The following SSX2IP variants were observed in gnomAD, a reference collection of about 807,000 sequenced individuals.
SSX2IP encodes afadin- and alpha-actinin-binding protein.
A neutral mutation model predicts 84.9 loss-of-function variants in SSX2IP; 55 were observed. The ratio of observed to expected loss-of-function variants is 0.65; its 90% CI spans 0.52 to 0.81. SSX2IP has a LOEUF of 0.81. SSX2IP is among the 30% of genes least tolerant of loss of function. SSX2IP has a pLI of 0.00. For synonymous variants in SSX2IP, 239 were observed against 234.7 expected (o/e 1.02, Z -0.17); for missense variants, 664 against 705.2 (o/e 0.94, Z 0.66).
intron 11 of SSX2IP, among the ~76,000 whole-genome samples, chr1:84,653,142 A>G (rs1042632244): frequency 5.3e-5 from 8 of 152,164 alleles, no homozygotes; most frequent in South Asian, 2.1e-4. Context: ...CACTGTCTTC[A>G]TATCAATTTT....
At chr1:84,667,667 C>T (rs1203146214) in intron 4 of SSX2IP, among the ~76,000 whole-genome samples, 2 of 152,154 alleles carry the variant, frequency 1.3e-5, no homozygotes, top group Admixed American at 1.3e-4. Flanking sequence ...CATACCATCA[C>T]ATACCCATCG....
rs1649582190 is a variant in SSX2IP, at chr1:84,647,459, G to A, written c.1819C>T (p.His607Tyr). 6.2e-7 allele frequency: 1 copy of A among 1,603,694 alleles called. No homozygotes were observed. Reference sequence around the variant, plus strand: ...TAAGGTAAGTCATCTTTTTCTACATGAGAATTTGTGTAGCTCAAGGAGCAT... The same window carrying A: ...TAAGGTAAGTCATCTTTTTCTACATAAGAATTTGTGTAGCTCAAGGAGCAT... The part of the protein sequence containing the change: ...SGCSLSYTNS[H>Y]VEKDDLP Residue 607 changes from histidine (H) to tyrosine (Y), a missense_variant, in exon 14 of 14, where the codon CAT becomes TAT. Coordinates refer to ENST00000342203, the MANE Select transcript of SSX2IP (RefSeq NM_001166293.2).
chr1:84,655,595 G>A, intron 11 of SSX2IP: 3 of 1,462,438 alleles, frequency 2.1e-6, no homozygotes, highest in Non-Finnish European at 2.7e-6. Context: ...CAATCTGAAA[G>A]CAGTAATAAA....
rs11164039 is a variant in SSX2IP at position 84,685,102 on chromosome 1, C to T, written c.-90+5269G>A. ...TAAACTAATTCTTTACACCTGAAGT[C>T]CTTTAAAATGCTTTAAATACATATA... On this transcript the variant is annotated intron_variant, in intron 1 of 13. Coordinates refer to ENST00000342203, the MANE Select transcript of SSX2IP (RefSeq NM_001166293.2). 1.2e-3 allele frequency among the ~76,000 whole-genome samples: 186 copies of T among 152,264 alleles called. 1 individual carries two copies. The highest frequency in any genetic ancestry group is 4.1e-3 in the African/African-American group (171 of 41,558).
intron 8 of SSX2IP, among the ~76,000 whole-genome samples, chr1:84,660,556 G>C (rs919675386): frequency 6.6e-6 from 1 of 152,040 alleles, no homozygotes; most frequent in Non-Finnish European, 1.5e-5. Flanking sequence ...AAAGATATTC[G>C]GGAATTTGAG....
upstream of SSX2IP, chr1:84,690,740 G>A (rs1266659130): frequency 6.6e-6 from 1 of 151,764 alleles, no homozygotes; most frequent in African/African-American, 2.4e-5. Context: ...GGGCGCAGCT[G>A]CGGCTGCGGC....
intron 9 of SSX2IP, 70 bp downstream of exon 9, chr1:84,658,248 C>T: frequency 1.9e-6 from 3 of 1,580,944 alleles, no homozygotes; most frequent in South Asian, 2.3e-5. Context: ...ATGCGGCTTT[C>T]TAAGTGACTA....
intron 1 of SSX2IP, among the ~76,000 whole-genome samples, chr1:84,674,034 C>A (rs189989589): frequency 6.6e-6 from 1 of 152,284 alleles, no homozygotes; most frequent in Non-Finnish European, 1.5e-5. Flanking sequence ...ACTGATTTTA[C>A]TTCTAGCTTT....
chr1:84,687,708 G>T (rs76697888), intron 1 of SSX2IP, among the ~76,000 whole-genome samples: 1 of 152,110 alleles, frequency 6.6e-6, no homozygotes. Flanking sequence ...GATTTTGGTG[G>T]AAATATCCTT....
intron 3 of SSX2IP, 97 bp from the exon 4 acceptor site, chr1:84,669,990 T>C (rs148772236): frequency 8.3e-5 from 68 of 818,304 alleles, no homozygotes; most frequent in African/African-American, 4.3e-4. Flanking sequence ...ATAAGTTTAA[T>C]AGATCTATTG....
chr1:84,672,387 A>G (rs1412900431), intron 1 of SSX2IP, among the ~76,000 whole-genome samples: 1 of 151,702 alleles, frequency 6.6e-6, no homozygotes, highest in East Asian at 1.9e-4. Flanking sequence ...AAGTCTCCCA[A>G]TTTTAAAATG....
rs1339085888 is a variant in SSX2IP at position 84,647,310 on chromosome 1, T to C, written c.*123A>G. Reference sequence around the variant, plus strand: ...AACTCTTTGGGGGAAGACAGGGAAGTCCAAACAAACAACTCAGACCATCTT... The same window carrying C: ...AACTCTTTGGGGGAAGACAGGGAAGCCCAAACAAACAACTCAGACCATCTT... On this transcript the variant is annotated 3_prime_UTR_variant, in exon 14 of 14. Transcript: ENST00000342203. 4 of 792,968 alleles carry C rather than the reference T, an allele frequency of 5.0e-6. No individual in the cohort carries two copies. The highest frequency in any genetic ancestry group is 2.9e-5 in the Admixed American group (1 of 33,988). The allele number at this position is 792,968 out of a possible 1,614,324, so 49.1% of individuals were successfully genotyped here.
At chr1:84,661,518 C>T (rs1050344715) in intron 8 of SSX2IP, among the ~76,000 whole-genome samples, 3 of 152,040 alleles carry the variant, frequency 2.0e-5, no homozygotes, top group Non-Finnish European at 2.9e-5. Context: ...GCACATTGTA[C>T]CACCTTATTA....
chr1:84,652,869 C>G (rs1557469250), intron 11 of SSX2IP, among the ~76,000 whole-genome samples: 1 of 149,250 alleles, frequency 6.7e-6, no homozygotes, highest in East Asian at 2.0e-4. Context: ...ACTAAAAATA[C>G]AAAACAAAAA....
intron 6 of SSX2IP, 90 bp downstream of exon 6, chr1:84,664,327 G>C (rs927854058): frequency 3.3e-6 from 4 of 1,207,406 alleles, no homozygotes; most frequent in Non-Finnish European, 4.4e-6. Context: ...ATAACATTTC[G>C]TGAGTTACTG....
At position 84,650,373 on chromosome 1, in the gene SSX2IP, T is replaced by G. The variant is rs1570554932; in HGVS notation, c.1659A>C (p.Ile553=). ...CTATAGACAAATACCTATGTTCAGA[T>G]ATGCAGGAACGTGTCTGGCAAAAGT... The part of the protein sequence containing the change: ...TSDFCQTRSC[I]SEHSSINVLN... Residue 553 remains isoleucine, a synonymous_variant, in exon 13 of 14, where the codon ATA becomes ATC. Coordinates refer to ENST00000342203, the MANE Select transcript of SSX2IP (RefSeq NM_001166293.2). 1 of 1,614,188 alleles carries G rather than the reference T, an allele frequency of 6.2e-7. No individual in the cohort carries two copies. Among genetic ancestry groups the G allele is most frequent in the East Asian group, 2.2e-5 (1 of 44,882 alleles).
intron 9 of SSX2IP, 96 bp downstream of exon 9, chr1:84,658,222 T>TA (rs1401483825): frequency 1.9e-5 from 26 of 1,373,928 alleles, no homozygotes; most frequent in Non-Finnish European, 2.6e-5. Flanking sequence ...TATAGTACTT[T>TA]AGCTCTGAGC....
chr1:84,686,162 C>T (rs1191058071), intron 1 of SSX2IP, among the ~76,000 whole-genome samples: 2 of 150,826 alleles, frequency 1.3e-5, no homozygotes, highest in Non-Finnish European at 3.0e-5. Flanking sequence ...AACTTAAATA[C>T]TTTTTTGCTT....
At chr1:84,686,550 G>T (rs1570751970) in intron 1 of SSX2IP, among the ~76,000 whole-genome samples, 1 of 152,128 alleles carries the variant, frequency 6.6e-6, no homozygotes, top group East Asian at 1.9e-4. Context: ...TTCACATGGG[G>T]ATAAACTCTA....
Sources: gnomAD v4.1 joint callset for allele counts (sites outside exome capture counted in the v4.1 genomes callset) on GRCh38, gnomAD v4.1.1 for gene constraint, MANE v1.5 for transcripts, NCBI Gene and HGNC (gene_info 2026-07-23, HGNC 2026-07-21) for gene names.